The following TMEM229B variants were observed in gnomAD, a reference collection of about 807,000 sequenced individuals.
The protein encoded by TMEM229B is transmembrane protein 229B, also known as chromosome 14 open reading frame 83.
Under a neutral mutation model 13.7 loss-of-function variants are expected in TMEM229B, and 6 were observed. The observed-to-expected ratio is 0.44, with a 90% CI of 0.24 to 0.86. TMEM229B has a LOEUF of 0.86. Ranked by LOEUF, TMEM229B falls within the 40% of genes least tolerant of loss-of-function variation. The pLI is 0.23. For synonymous variants in TMEM229B, 107 were observed against 102.1 expected (o/e 1.05, Z -0.29); for missense variants, 170 against 236.0 (o/e 0.72, Z 1.83).
upstream of TMEM229B, among the ~76,000 whole-genome samples, chr14:67,518,036 C>A (rs2033234474): frequency 6.6e-6 from 1 of 152,144 alleles, no homozygotes; most frequent in South Asian, 2.1e-4. Flanking sequence ...AACTTACATA[C>A]AGAATTGTGG....
chr14:67,481,273 C>A (rs1393308417), intron 2 of TMEM229B, among the ~76,000 whole-genome samples: 1 of 152,012 alleles, frequency 6.6e-6, no homozygotes, highest in East Asian at 1.9e-4. Context: ...ATGAGCAAGA[C>A]CCTGTCTCTT....
chr14:67,519,714 G>GTTT (rs11306782), upstream of TMEM229B, among the ~76,000 whole-genome samples: 3 of 145,094 alleles, frequency 2.1e-5, no homozygotes, highest in African/African-American at 5.1e-5. Flanking sequence ...CTGTAAGTTT[G>GTTT]TTTTTTTTTT....
At chr14:67,494,948 C>T (rs2140162472) in intron 1 of TMEM229B, among the ~76,000 whole-genome samples, 1 of 152,224 alleles carries the variant, frequency 6.6e-6, no homozygotes, top group Middle Eastern at 3.4e-3. Flanking sequence ...TTTGTCTCTA[C>T]ATAAAAATTT....
In TMEM229B at chr14:67,473,473, C is replaced by A; in HGVS notation, c.451G>T (p.Gly151Trp). The change falls in exon 3 of 3, where the codon GGG becomes TGG. Residue 151 changes from glycine (G) to tryptophan (W), a missense_variant. Coordinates refer to ENST00000554480, the MANE Select transcript of TMEM229B (RefSeq NM_001348543.2). The surrounding 1 kb of genome is among the most constrained non-coding windows in gnomAD (Gnocchi z 6.5). ...RLRFDKDAEP[G>W]EPSGALALAN... The stretch of plus-strand genomic sequence containing the variant: ...AGGGCTAGGGCGCCGCTGGGCTCCC[C>A]GGGCTCAGCGTCCTTGTCGAAGCGG... 6.2e-7 allele frequency: 1 copy of A among 1,614,166 alleles called. No homozygotes were observed. The highest frequency in any genetic ancestry group is 1.3e-5 in the African/African-American group (1 of 75,054).
At chr14:67,511,979 G>A (rs2033041931) in intron 1 of TMEM229B, among the ~76,000 whole-genome samples, 3 of 152,216 alleles carry the variant, frequency 2.0e-5, no homozygotes, top group South Asian at 2.1e-4. Context: ...GCAGCATGGG[G>A]CATCCCACAG....
chr14:67,525,103 T>C (rs565993198), intron 1 of TMEM229B, among the ~76,000 whole-genome samples: 1 of 152,340 alleles, frequency 6.6e-6, no homozygotes, highest in South Asian at 2.1e-4. Flanking sequence ...TCATACTCCT[T>C]GTAAAATGCT....
chr14:67,493,106 T>C (rs972415218), upstream of TMEM229B, among the ~76,000 whole-genome samples: 1 of 152,118 alleles, frequency 6.6e-6, no homozygotes, highest in Non-Finnish European at 1.5e-5. Context: ...GGACAGTTAG[T>C]GAAGAGACCC....
intron 1 of TMEM229B, among the ~76,000 whole-genome samples, chr14:67,499,696 A>G (rs574567229): frequency 6.6e-6 from 1 of 152,196 alleles, no homozygotes; most frequent in Non-Finnish European, 1.5e-5. Flanking sequence ...AGAAGTGATG[A>G]TCCCAGAAGA....
upstream of TMEM229B, among the ~76,000 whole-genome samples, chr14:67,491,920 T>A (rs2032186893): frequency 6.6e-6 from 1 of 152,086 alleles, no homozygotes. Context: ...ATGGGGAAGG[T>A]GCATGGAGAT....
At chr14:67,514,961 C>CA (rs2033153303) in intron 1 of TMEM229B, 1 of 134,236 alleles carries the variant, frequency 7.4e-6, no homozygotes, top group Non-Finnish European at 1.7e-5. Flanking sequence ...GCCCCAAGTC[C>CA]GGTCGCCCAG....
rs753070678 is a variant in TMEM229B, at chr14:67,473,600, G to A, written c.324C>T (p.Phe108=). The change falls in exon 3 of 3, where the codon TTC becomes TTT. Residue 108 remains phenylalanine (F), a synonymous_variant. Coordinates refer to ENST00000554480, the MANE Select transcript of TMEM229B (RefSeq NM_001348543.2). This position sits in a 1 kb window ranked among gnomAD's most constrained non-coding sequence, Gnocchi z 6.5. Reference sequence around the variant, plus strand: ...TGATGAGGCCCATGAAGTCAAAGTCGAACTGGGAGTAGTCCCAGGGGCAGG... The same window carrying A: ...TGATGAGGCCCATGAAGTCAAAGTCAAACTGGGAGTAGTCCCAGGGGCAGG... The part of the protein sequence containing the change: ...FNACPWDYSQ[F]DFDFMGLITL... The A allele has an allele frequency of 5.6e-6, 9 of 1,603,960 alleles. No homozygotes were observed. Among genetic ancestry groups the A allele is most frequent in the South Asian group, 4.5e-5 (4 of 89,808 alleles).
chr14:67,491,895 G>A (rs758071141), upstream of TMEM229B, among the ~76,000 whole-genome samples: 5 of 152,202 alleles, frequency 3.3e-5, no homozygotes, highest in East Asian at 3.9e-4. Flanking sequence ...CCCAGGCCGC[G>A]GGGGCCTGCC....
chr14:67,501,461 C>T (rs1336420252), intron 1 of TMEM229B, among the ~76,000 whole-genome samples: 1 of 152,120 alleles, frequency 6.6e-6, no homozygotes, highest in Non-Finnish European at 1.5e-5. Flanking sequence ...ACCTCCTGGG[C>T]TCAAGTGATC....
At chr14:67,498,791 G>A (rs572786310) in intron 1 of TMEM229B, among the ~76,000 whole-genome samples, 4 of 151,420 alleles carry the variant, frequency 2.6e-5, no homozygotes, top group South Asian at 2.1e-4. Context: ...TCAGTCTCTC[G>A]AGTAGCTGAG....
Position 67,526,007 on chromosome 14 carries a change from G to C in TMEM229B, c.-192+7629C>G, listed in dbSNP as rs551594759. Among the ~76,000 whole-genome samples the C allele has an allele frequency of 6.6e-5, 10 of 152,324 alleles. No individual in the cohort carries two copies. In the East Asian group the frequency reaches 1.9e-3, roughly 29 times the overall value. ...AATGCCTACTGGCTTTCCATCCTAG[G>C]AATCTGCCTGCTCTGCTCCATCACC... On this transcript the variant is annotated intron_variant, in intron 1 of 2. Transcript: ENST00000554278.
At chr14:67,498,002 T>C (rs890960885) in intron 1 of TMEM229B, among the ~76,000 whole-genome samples, 4 of 152,088 alleles carry the variant, frequency 2.6e-5, no homozygotes, top group Non-Finnish European at 4.4e-5. Context: ...TTCTCCCCAC[T>C]ACCCGTCAAC....
At chr14:67,477,885 AGTCT>A (rs2031323594) in intron 2 of TMEM229B, among the ~76,000 whole-genome samples, 1 of 152,202 alleles carries the variant, frequency 6.6e-6, no homozygotes. Flanking sequence ...GCGGTCTCAA[AGTCT>A]GTCTGGCTTC....
At chr14:67,479,176 G>A (rs1025264758) in intron 2 of TMEM229B, among the ~76,000 whole-genome samples, 1 of 152,186 alleles carries the variant, frequency 6.6e-6, no homozygotes, top group African/African-American at 2.4e-5. Flanking sequence ...GGGAGGCTGA[G>A]GTGGGTGGAT....
At chr14:67,505,818 T>C (rs2032805072) in intron 1 of TMEM229B, among the ~76,000 whole-genome samples, 1 of 152,224 alleles carries the variant, frequency 6.6e-6, no homozygotes, top group Middle Eastern at 3.4e-3. Flanking sequence ...GCAATTCTCC[T>C]GCATCAGCCT....
Sources: gnomAD v4.1 joint callset for allele counts (sites outside exome capture counted in the v4.1 genomes callset) on GRCh38, gnomAD v4.1.1 for gene constraint, Gnocchi (gnomAD v3.1) non-coding constraint, MANE v1.5 for transcripts, NCBI Gene and HGNC (gene_info 2026-07-23, HGNC 2026-07-21) for gene names.